Variants in FDPS observed in about 807,000 individuals in gnomAD.
FDPS encodes farnesyl pyrophosphate synthase.
A neutral mutation model predicts 49.5 loss-of-function variants in FDPS; 29 were observed. The observed-to-expected ratio is 0.59, with a 90% confidence interval of 0.44 to 0.80. The LOEUF (loss-of-function observed/expected upper bound fraction) is 0.80, where lower values mean the gene tolerates loss of function less well. Among genes scored for constraint, FDPS ranks in the 30% least tolerant of loss-of-function variants. The pLI, the probability that FDPS is intolerant of heterozygous loss-of-function variation, is 0.00. For missense variants in FDPS, 414 were observed against 525.6 expected (o/e 0.79, Z 2.08); for synonymous variants, 172 against 206.4 (o/e 0.83, Z 1.43).
chr1:155,319,344 TG>T (rs958565552), intron 8 of FDPS, among the ~76,000 whole-genome samples: 2 of 152,170 alleles, frequency 1.3e-5, no homozygotes, highest in Admixed American at 1.3e-4. Flanking sequence ...CAGAATGACT[TG>T]GGGACTGACA....
chr1:155,311,971 CAAAA>C (rs1648842774), intron 3 of FDPS, among the ~76,000 whole-genome samples: 1 of 148,926 alleles, frequency 6.7e-6, no homozygotes, highest in African/African-American at 2.6e-5. Flanking sequence ...GAATTCATCT[CAAAA>C]AAATAAATAA....
Position 155,320,454 on chromosome 1 carries a change from G to A in FDPS, c.1105G>A (p.Ala369Thr). Residue 369 changes from alanine to threonine, a missense_variant, in exon 11 of 11, where the codon GCG becomes ACG. By Grantham distance (58) the Ala-to-Thr change is moderately conservative. Transcript: ENST00000368356. ...KEAEKVARVK[A>T]LYEELDLPAV... ...GGCTGAGAAAGTGGCCCGGGTGAAG[G>A]CGCTATATGAGGAGCTGGATCTGCC... 6.2e-7 allele frequency: 1 copy of A among 1,613,774 alleles called. No homozygotes were observed. The highest frequency in any genetic ancestry group is 8.5e-7 in the Non-Finnish European group (1 of 1,180,012).
intron 4 of FDPS, chr1:155,312,598 T>A (rs777350213): frequency 1.5e-4 from 88 of 574,536 alleles, no homozygotes; most frequent in Non-Finnish European, 2.2e-4. Flanking sequence ...TGAAGATGGC[T>A]GTAGATAGTT....
At position 155,318,327 on chromosome 1, in the gene FDPS, C is replaced by T; in HGVS notation, c.684+36C>T. On this transcript the variant is annotated intron_variant, in intron 6 of 10. Coordinates refer to ENST00000368356, the MANE Select transcript of FDPS (RefSeq NM_002004.4). This position sits in a 1 kb window ranked among gnomAD's most constrained non-coding sequence, Gnocchi z 4.2. ...GACAGGGCCCGATGCCCAGAGGGTG[C>T]CCATGGTAGCCTTGGCCTCTATAGG... The T allele has an allele frequency of 6.2e-7, 1 of 1,604,212 alleles. No homozygotes were observed.
chr1:155,313,383 A>G (rs1649000292), intron 4 of FDPS, among the ~76,000 whole-genome samples: 1 of 152,200 alleles, frequency 6.6e-6, no homozygotes, highest in Non-Finnish European at 1.5e-5. Flanking sequence ...GAGGGGTGCC[A>G]TGCCCGAGGA....
At position 155,318,201 on chromosome 1, in the gene FDPS, T is replaced by C. The variant is rs1649712645; in HGVS notation, c.594T>C (p.Ala198=). 1 of 1,614,150 alleles carries C rather than the reference T, an allele frequency of 6.2e-7. No individual in the cohort carries two copies. The highest frequency in any genetic ancestry group is 2.2e-5 in the East Asian group (1 of 44,880). Residue 198 remains alanine (A), a synonymous_variant, in exon 6 of 11, where the codon GCT becomes GCC. Transcript: ENST00000368356. The surrounding 1 kb of genome is among the most constrained non-coding windows in gnomAD (Gnocchi z 4.2). ...PGVGLDAIND[A]NLLEACIYRL... ...TGGGTTTGGATGCCATCAATGATGC[T>C]AACCTCCTGGAAGCATGTATCTACC...
intron 10 of FDPS, 32 bp from the exon 11 acceptor site, chr1:155,320,377 A>G (rs1347470526): frequency 1.3e-5 from 21 of 1,591,644 alleles, no homozygotes; most frequent in Admixed American, 1.8e-5. Flanking sequence ...GGGAAGGCCA[A>G]GCCCGTTTTC....
At chr1:155,315,944 T>G (rs1399560470) in intron 4 of FDPS, among the ~76,000 whole-genome samples, 1 of 150,374 alleles carries the variant, frequency 6.7e-6, no homozygotes, top group East Asian at 2.0e-4. Context: ...CAAAAGAAAA[T>G]AATAATAAAA....
rs1483545927 is a variant in FDPS, at chr1:155,320,614, G to C, written c.*5G>C. 1 of 1,614,014 alleles carries C rather than the reference G, an allele frequency of 6.2e-7. No individual in the cohort carries two copies. The highest frequency in any genetic ancestry group is 8.5e-7 in the Non-Finnish European group (1 of 1,179,972). On this transcript the variant is annotated 3_prime_UTR_variant, in exon 11 of 11. Coordinates refer to ENST00000368356, the MANE Select transcript of FDPS (RefSeq NM_002004.4). ...ATCTACAAGCGGAGAAAGTGACCTA[G>C]AGATTGCAAGGGCGGGGAGAGGAGG...
Position 155,310,070 on chromosome 1 carries a change from C to G in FDPS, c.204C>G (p.Asn68Lys). The change falls in exon 3 of 11, where the codon AAC becomes AAG. Residue 68 changes from asparagine to lysine, a missense_variant. Physicochemically the swap from Asn to Lys is moderately conservative, Grantham distance 94. Coordinates refer to ENST00000368356, the MANE Select transcript of FDPS (RefSeq NM_002004.4). ...CCCTTTGCTCCTCCCTCAGAATGAA[C>G]GGAGACCAGAATTCAGATGTTTATG... is the stretch of plus-strand genomic sequence containing the variant. The part of the protein sequence containing the change: ...PRALCSSLRM[N>K]GDQNSDVYAQ... The G allele has an allele frequency of 1.2e-6, 2 of 1,613,876 alleles. No individual in the cohort carries two copies. The highest frequency in any genetic ancestry group is 2.2e-5 in the East Asian group (1 of 44,890).
chr1:155,314,795 T>TA lies in FDPS; in HGVS notation c.480+2402dup, dbSNP rs748932193. ...CTGGCCTGGGTTTTTTTTTTTTTTTTAATTTCCCTAATAAATAGAAAGTGC... is the reference window on the plus strand; with the variant it reads ...CTGGCCTGGGTTTTTTTTTTTTTTTTAAATTTCCCTAATAAATAGAAAGTGC... On this transcript the variant is annotated intron_variant, in intron 4 of 10. Transcript: ENST00000368356. 1.1e-3 allele frequency among the ~76,000 whole-genome samples: 160 copies of TA among 150,722 alleles called. 1 individual carries two copies. Among genetic ancestry groups the TA allele is most frequent in the African/African-American group, 3.3e-3 (137 of 41,116 alleles).
At position 155,318,190 on chromosome 1, in the gene FDPS, A is replaced by G; in HGVS notation, c.583A>G (p.Ile195Val). ...ACAGCCGGGCGTGGGTTTGGATGCC[A>G]TCAATGATGCTAACCTCCTGGAAGC... Reference protein sequence around the residue: ...YQKPGVGLDAINDANLLEACI... With the variant: ...YQKPGVGLDAVNDANLLEACI... The change falls in exon 6 of 11, where the codon ATC becomes GTC. Residue 195 changes from isoleucine (I) to valine (V), a missense_variant. Transcript: ENST00000368356. The surrounding 1 kb of genome is among the most constrained non-coding windows in gnomAD (Gnocchi z 4.2). The G allele has an allele frequency of 6.2e-7, 1 of 1,614,114 alleles. No individual in the cohort carries two copies. The highest frequency in any genetic ancestry group is 8.5e-7 in the Non-Finnish European group (1 of 1,180,016).
rs374801518 is a variant in FDPS, at chr1:155,318,026, T to C, written c.561+5T>C. The C allele has an allele frequency of 1.2e-6, 2 of 1,613,928 alleles. No homozygotes were observed. The highest frequency in any genetic ancestry group is 1.3e-5 in the African/African-American group (1 of 75,002). On this transcript the variant is annotated splice_donor_5th_base_variant and intron_variant, in intron 5 of 10. Coordinates refer to ENST00000368356, the MANE Select transcript of FDPS (RefSeq NM_002004.4). The surrounding 1 kb of genome is among the most constrained non-coding windows in gnomAD (Gnocchi z 4.2). ...CAGATCTGCTGGTATCAGAAGGTAA[T>C]GTGGGCAGGAAAATAGCAGTGGGTA... is the stretch of plus-strand genomic sequence containing the variant.
At chr1:155,320,298 G>A in intron 10 of FDPS, 111 bp from the exon 11 acceptor site, 1 of 879,802 alleles carries the variant, frequency 1.1e-6, no homozygotes, top group Non-Finnish European at 1.8e-6. Flanking sequence ...AGGGAGGAAA[G>A]GAGTGGGTGG....
rs200432999 is a variant in FDPS at position 155,319,896 on chromosome 1, C to T, written c.1027C>T (p.Arg343Trp). The T allele has an allele frequency of 5.0e-6, 8 of 1,614,144 alleles. No homozygotes were observed. In the East Asian group the frequency reaches 1.3e-4, roughly 27 times the overall value. ...CSWLVVQCLQRATPEQYQILK... is the reference protein window; with the variant it reads ...CSWLVVQCLQWATPEQYQILK... ...CTGGCTGGTGGTTCAGTGTCTGCAA[C>T]GGGCCACTCCAGAACAGTACCAGAT... The change falls in exon 10 of 11, where the codon CGG becomes TGG. Residue 343 changes from arginine (R) to tryptophan (W), a missense_variant. Coordinates refer to ENST00000368356, the MANE Select transcript of FDPS (RefSeq NM_002004.4).
intron 4 of FDPS, chr1:155,317,450 G>C (rs17367421): frequency 0.035 from 5,362 of 154,894 alleles, 116 homozygotes; most frequent in Non-Finnish European, 0.046. Flanking sequence ...GGGAGTCTGA[G>C]CCAAACATGT....
chr1:155,311,828 A>G (rs1648827151), intron 3 of FDPS, among the ~76,000 whole-genome samples: 2 of 151,928 alleles, frequency 1.3e-5, no homozygotes, highest in South Asian at 2.1e-4. Context: ...CAAAAATTAG[A>G]TGGGCATGGT....
At position 155,319,782 on chromosome 1, in the gene FDPS, C is replaced by A; in HGVS notation, c.925-12C>A. 2 of 1,614,136 alleles carry A rather than the reference C, an allele frequency of 1.2e-6. No individual in the cohort carries two copies. The highest frequency in any genetic ancestry group is 8.5e-7 in the Non-Finnish European group (1 of 1,180,002). ...TCCTTCCTCTTTTGCTGCCCTCCCC[C>A]TCCCTGCCCAGGATGATTACCTTGA... On this transcript the variant is annotated splice_polypyrimidine_tract_variant and intron_variant, in intron 9 of 10. Transcript: ENST00000368356.
At chr1:155,316,346 C>T (rs1025341579) in intron 4 of FDPS, among the ~76,000 whole-genome samples, 8 of 150,588 alleles carry the variant, frequency 5.3e-5, no homozygotes, top group Admixed American at 1.3e-4. Context: ...GAGCTGGGTG[C>T]GCTGGTGTGT....
Sources: gnomAD v4.1 joint callset for allele counts (sites outside exome capture counted in the v4.1 genomes callset) on GRCh38, gnomAD v4.1.1 for gene constraint, Gnocchi (gnomAD v3.1) non-coding constraint, MANE v1.5 for transcripts, NCBI Gene and HGNC (gene_info 2026-07-23, HGNC 2026-07-21) for gene names.